The following DNAI7 variants were observed in gnomAD, a reference collection of about 807,000 sequenced individuals.
DNAI7 encodes the protein cancer susceptibility 1.
DNAI7 carries 78 observed loss-of-function variants against 86.6 expected under a neutral mutation model. The observed-to-expected ratio is 0.90, with a 90% CI of 0.75 to 1.09. The LOEUF is 1.09. Ranked by LOEUF, DNAI7 falls within the 50% of genes least tolerant of loss-of-function variation. The probability of loss-of-function intolerance (pLI) is 0.00; values close to 1 mark genes in which losing one functional copy is unlikely to be tolerated. For missense variants in DNAI7, 753 were observed against 810.2 expected (o/e 0.93, Z 0.86); for synonymous variants, 274 against 273.0 (o/e 1.00, Z -0.04).
intron 2 of DNAI7, among the ~76,000 whole-genome samples, chr12:25,186,523 T>A (rs963283763): frequency 5.9e-5 from 9 of 152,182 alleles, no homozygotes; most frequent in Non-Finnish European, 1.3e-4. Context: ...CACACTACCA[T>A]GTGTATAAAT....
At chr12:25,180,361 G>T (rs1949386378) in intron 2 of DNAI7, among the ~76,000 whole-genome samples, 1 of 152,016 alleles carries the variant, frequency 6.6e-6, no homozygotes, top group Non-Finnish European at 1.5e-5. Context: ...TGATCACACT[G>T]CCCAAAGCAA....
rs370283541 is a variant in DNAI7 at position 25,167,180 on chromosome 12, G to T, written c.22-5983C>A. ...ACCACCAAAGGCAGGCTATGCTATAGTACAAGCCACCAGCCCACCTCTTAG... is the reference window on the plus strand; with the variant it reads ...ACCACCAAAGGCAGGCTATGCTATATTACAAGCCACCAGCCCACCTCTTAG... On this transcript the variant is annotated intron_variant, in intron 2 of 15. Coordinates refer to ENST00000395987, the MANE Select transcript of DNAI7 (RefSeq NM_018272.5). Among the ~76,000 whole-genome samples, 4 of 152,162 alleles carry T rather than the reference G, an allele frequency of 2.6e-5. No individual in the cohort carries two copies. The South Asian group carries it at 8.3e-4, about 31-fold the overall frequency.
intron 9 of DNAI7, among the ~76,000 whole-genome samples, chr12:25,133,441 G>T (rs1376154509): frequency 6.6e-6 from 1 of 152,064 alleles, no homozygotes; most frequent in Non-Finnish European, 1.5e-5. Context: ...ACGAAAGGCG[G>T]TTTACACTGT....
intron 15 of DNAI7, among the ~76,000 whole-genome samples, chr12:25,109,877 C>T (rs1217645296): frequency 6.6e-6 from 1 of 151,834 alleles, no homozygotes; most frequent in African/African-American, 2.4e-5. Context: ...GGGGTTTCAC[C>T]ATATTGGTCA....
At chr12:25,118,460 A>G (rs780267055) in intron 12 of DNAI7, among the ~76,000 whole-genome samples, 4 of 150,536 alleles carry the variant, frequency 2.7e-5, no homozygotes, top group Admixed American at 6.6e-5. Context: ...ATGAGATTTC[A>G]CCATGTTGGC....
chr12:25,181,407 T>C (rs992409086), intron 2 of DNAI7, among the ~76,000 whole-genome samples: 7 of 152,028 alleles, frequency 4.6e-5, no homozygotes, highest in Non-Finnish European at 7.4e-5. Context: ...GTGTGCACTA[T>C]TGCATCCAGC....
rs141249970 is a variant in DNAI7 at position 25,117,775 on chromosome 12, C to T, written c.1396+1370G>A. On this transcript the variant is annotated intron_variant, in intron 12 of 15. Coordinates refer to ENST00000395987, the MANE Select transcript of DNAI7 (RefSeq NM_018272.5). ...CTAGTTTTCCCTTTCTCAGGTTTCC[C>T]ATTTGCCCATTCCTCATCCCCAATA... Among the ~76,000 whole-genome samples, 13 of 152,142 alleles carry T rather than the reference C, an allele frequency of 8.5e-5. No individual in the cohort carries two copies. In the East Asian group the frequency reaches 2.3e-3, roughly 27 times the overall value.
chr12:25,170,891 G>A (rs1948064552), intron 2 of DNAI7, among the ~76,000 whole-genome samples: 1 of 152,116 alleles, frequency 6.6e-6, no homozygotes, highest in African/African-American at 2.4e-5. Flanking sequence ...GGTCAAAAAC[G>A]AAATCAAGAT....
intron 2 of DNAI7, among the ~76,000 whole-genome samples, chr12:25,176,395 T>A (rs1420156814): frequency 6.6e-6 from 1 of 152,070 alleles, no homozygotes; most frequent in African/African-American, 2.4e-5. Flanking sequence ...TAAAGTAACA[T>A]ATTATAAATT....
chr12:25,129,458 G>C (rs188827979), intron 9 of DNAI7, among the ~76,000 whole-genome samples: 121 of 152,302 alleles, frequency 7.9e-4, no homozygotes, highest in African/African-American at 2.8e-3. Context: ...GTATGACCTG[G>C]AAATGCACTG....
chr12:25,140,415 A>G lies in DNAI7; in HGVS notation c.1002+3950T>C, dbSNP rs560804750. 7.9e-5 allele frequency among the ~76,000 whole-genome samples: 12 copies of G among 152,344 alleles called. No individual in the cohort carries two copies. In the Middle Eastern group the frequency reaches 0.01, roughly 130 times the overall value. On this transcript the variant is annotated intron_variant, in intron 9 of 15. Transcript: ENST00000395987. The stretch of plus-strand genomic sequence containing the variant: ...ATATACCAACAGTGACCAAGCTGAG[A>G]ATCAAATCAAGAACTCAGCCCCTTT...
chr12:25,119,799 G>A (rs746385815), intron 11 of DNAI7, among the ~76,000 whole-genome samples: 1 of 152,180 alleles, frequency 6.6e-6, no homozygotes, highest in Non-Finnish European at 1.5e-5. Context: ...CCAGACAGCA[G>A]ATTTTTCTGG....
intron 11 of DNAI7, 78 bp downstream of exon 11, chr12:25,121,675 G>T: frequency 8.6e-7 from 1 of 1,157,764 alleles, no homozygotes; most frequent in Non-Finnish European, 1.2e-6. Flanking sequence ...AAGCTTATTA[G>T]ATGTTAGATA....
Position 25,114,677 on chromosome 12 carries a change from A to T in DNAI7, c.1590T>A (p.Thr530=). Residue 530 remains threonine (T), a synonymous_variant, in exon 13 of 16, where the codon ACT becomes ACA. Coordinates refer to ENST00000395987, the MANE Select transcript of DNAI7 (RefSeq NM_018272.5). ...TCACCTTAATTTGTATTTGAATCTC[A>T]GTAAATACTGTAGTCACAGTTAAAA... The part of the protein sequence containing the change: ...KVLLTVTTVF[T]EIQIQIKENL... 1 of 1,610,200 alleles carries T rather than the reference A, an allele frequency of 6.2e-7. No individual in the cohort carries two copies. Among genetic ancestry groups the T allele is most frequent in the Non-Finnish European group, 8.5e-7 (1 of 1,176,476 alleles).
At position 25,123,005 on chromosome 12, in the gene DNAI7, C is replaced by T. The variant is rs367758214; in HGVS notation, c.1078+206G>A. On this transcript the variant is annotated intron_variant, in intron 10 of 15. Coordinates refer to ENST00000395987, the MANE Select transcript of DNAI7 (RefSeq NM_018272.5). ...CAAAAACATTTGTATAATATAATCC[C>T]ATGGTTTTATTAGAAATTAAGAGAG... 1.4e-3 allele frequency among the ~76,000 whole-genome samples: 210 copies of T among 152,172 alleles called. 3 individuals are homozygous for T. The highest frequency in any genetic ancestry group is 4.9e-3 in the African/African-American group (202 of 41,510).
At chr12:25,120,712 G>A (rs953178421) in intron 11 of DNAI7, among the ~76,000 whole-genome samples, 2 of 152,044 alleles carry the variant, frequency 1.3e-5, no homozygotes, top group Non-Finnish European at 2.9e-5. Flanking sequence ...GCGAAAGAGC[G>A]AGACTCCGTC....
intron 10 of DNAI7, among the ~76,000 whole-genome samples, chr12:25,122,494 A>C (rs1941475914): frequency 6.6e-6 from 1 of 151,856 alleles, no homozygotes; most frequent in Non-Finnish European, 1.5e-5. Flanking sequence ...GAAGAAAGAA[A>C]AAGTGAAGTT....
intron 4 of DNAI7, among the ~76,000 whole-genome samples, chr12:25,158,210 C>A (rs1946424990): frequency 6.6e-6 from 1 of 151,494 alleles, no homozygotes; most frequent in Non-Finnish European, 1.5e-5. Context: ...GCCTGGGCAA[C>A]AGAGCGAGAC....
At chr12:25,149,926 TAAAC>T (rs1945299412) in intron 6 of DNAI7, 152 bp from the exon 7 acceptor site, 2 of 540,628 alleles carry the variant, frequency 3.7e-6, no homozygotes, top group Admixed American at 7.1e-5. Context: ...TTTAAGATCA[TAAAC>T]AAAAATTTCC....
Sources: allele counts gnomAD v4.1 joint callset (sites outside exome capture counted in the v4.1 genomes callset), GRCh38; gene constraint gnomAD v4.1.1; transcripts MANE v1.5; gene names NCBI Gene and HGNC (gene_info 2026-07-23, HGNC 2026-07-21).